Variants in LMO7 observed in about 807,000 individuals in gnomAD.
The protein encoded by LMO7 is LIM domain 7.
A neutral mutation model predicts 206.5 loss-of-function variants in LMO7; 120 were observed. That is an observed-to-expected ratio of 0.58 (90% CI 0.50 to 0.68). LMO7 has a LOEUF of 0.68. Among genes scored for constraint, LMO7 ranks in the 30% least tolerant of loss-of-function variants. The pLI, the probability that LMO7 is intolerant of heterozygous loss-of-function variation, is 0.00. For missense variants in LMO7, 1,959 were observed against 1,957.9 expected (o/e 1.00, Z -0.01); for synonymous variants, 706 against 681.5 (o/e 1.04, Z -0.56).
intron 3 of LMO7, among the ~76,000 whole-genome samples, chr13:75,727,705 A>G (rs1214613032): frequency 6.6e-6 from 1 of 151,880 alleles, no homozygotes; most frequent in Non-Finnish European, 1.5e-5. Context: ...TACATGTGCC[A>G]TGCTGGTGTG....
chr13:75,687,797 A>G (rs1027838398), intron 1 of LMO7, among the ~76,000 whole-genome samples: 2 of 152,314 alleles, frequency 1.3e-5, no homozygotes, highest in African/African-American at 4.8e-5. Context: ...TGATTAATCC[A>G]TTATGAACAG....
chr13:75,760,698 A>G (rs548307263), intron 3 of LMO7: 13 of 1,526,768 alleles, frequency 8.5e-6, no homozygotes, highest in Middle Eastern at 1.7e-4. Context: ...CAAAGATCAC[A>G]GAAACAGTGT....
chr13:75,734,748 GT>G (rs1359264467), intron 3 of LMO7, among the ~76,000 whole-genome samples: 1 of 152,140 alleles, frequency 6.6e-6, no homozygotes, highest in African/African-American at 2.4e-5. Context: ...TTCCTACCAA[GT>G]TGCCTCCATT....
chr13:75,680,189 G>A (rs146071932), intron 1 of LMO7, among the ~76,000 whole-genome samples: 1 of 152,132 alleles, frequency 6.6e-6, no homozygotes, highest in Non-Finnish European at 1.5e-5. Flanking sequence ...GAGGATAATG[G>A]CTTCCAGCTC....
intron 3 of LMO7, among the ~76,000 whole-genome samples, chr13:75,751,904 G>A (rs1476688695): frequency 2.6e-5 from 4 of 152,104 alleles, no homozygotes; most frequent in Non-Finnish European, 4.4e-5. Flanking sequence ...AGGTTGTCAT[G>A]CTTGAAATTT....
intron 4 of LMO7, among the ~76,000 whole-genome samples, chr13:75,777,242 T>A (rs2050631814): frequency 6.6e-6 from 1 of 152,262 alleles, no homozygotes; most frequent in African/African-American, 2.4e-5. Context: ...TACATTTTGC[T>A]TTATTATTAT....
At chr13:75,748,611 T>C (rs2047036925) in intron 3 of LMO7, among the ~76,000 whole-genome samples, 1 of 151,920 alleles carries the variant, frequency 6.6e-6, no homozygotes, top group Admixed American at 6.6e-5. Flanking sequence ...TGAGGGACAA[T>C]GGATGTTGAG....
chr13:75,681,718 G>GTATGTATATATATATATATATA (rs1555293391), intron 1 of LMO7, among the ~76,000 whole-genome samples: 4 of 104,558 alleles, frequency 3.8e-5, no homozygotes, highest in Non-Finnish European at 5.8e-5. Flanking sequence ...ATATATATAT[G>GTATGTATATATATATATATATA]TATATATATA....
At chr13:75,621,926 C>A in intron 1 of LMO7, 1 of 1,305,904 alleles carries the variant, frequency 7.7e-7, no homozygotes, top group Admixed American at 2.5e-5. Context: ...TAAGGCAGAG[C>A]ATCTCCATTT....
chr13:75,812,753 A>G (rs2056544767), intron 11 of LMO7, among the ~76,000 whole-genome samples: 1 of 152,232 alleles, frequency 6.6e-6, no homozygotes, highest in Non-Finnish European at 1.5e-5. Flanking sequence ...TTCAACAGAA[A>G]GGCAAGATGC....
chr13:75,651,213 T>TA (rs2037521415), intron 1 of LMO7, among the ~76,000 whole-genome samples: 1 of 152,232 alleles, frequency 6.6e-6, no homozygotes, highest in African/African-American at 2.4e-5. Context: ...GAAATTAATG[T>TA]ACTTGGCTTA....
chr13:75,856,749 C>A, intron 30 of LMO7, 141 bp downstream of exon 30: 1 of 619,896 alleles, frequency 1.6e-6, no homozygotes, highest in Non-Finnish European at 2.9e-6. Flanking sequence ...AGTGTGTTCC[C>A]TTCAAAGAGT....
Position 75,853,381 on chromosome 13 carries a change from C to T in LMO7, c.4654C>T (p.Arg1552Cys), listed in dbSNP as rs760809323. ...AGCTTCACAGTCAGGCTCTCAGCTGCGTAACAGGTGAGGCCCTTGCTGTTT... is the reference window on the plus strand; with the variant it reads ...AGCTTCACAGTCAGGCTCTCAGCTGTGTAACAGGTGAGGCCCTTGCTGTTT... ...PSASQSGSQL[R>C]NRSVSGKRIC... The change falls in exon 28 of 31, where the codon CGT (arginine) becomes TGT (cysteine). Residue 1552 changes from arginine to cysteine, a missense_variant. Transcript: ENST00000377534. 38 of 1,597,550 alleles carry T rather than the reference C, an allele frequency of 2.4e-5. No individual in the cohort carries two copies. The Admixed American group carries it at 3.3e-4, about 14-fold the overall frequency.
intron 3 of LMO7, among the ~76,000 whole-genome samples, chr13:75,743,835 C>T (rs1453417086): frequency 2.0e-5 from 3 of 151,874 alleles, no homozygotes; most frequent in African/African-American, 7.3e-5. Flanking sequence ...TGCATGTGCA[C>T]AGGTTAAAAA....
upstream of LMO7, among the ~76,000 whole-genome samples, chr13:75,634,537 G>A (rs776239965): frequency 2.1e-4 from 32 of 152,222 alleles, no homozygotes; most frequent in Admixed American, 4.6e-4. Flanking sequence ...TCAGGACATC[G>A]AGACCATCCT....
chr13:75,823,426 G>A (rs2057799154), intron 14 of LMO7, 139 bp from the exon 15 acceptor site: 3 of 682,954 alleles, frequency 4.4e-6, no homozygotes, highest in African/African-American at 1.8e-5. Context: ...AAAGAACTCA[G>A]CCCAAGCTTT....
intron 1 of LMO7, among the ~76,000 whole-genome samples, chr13:75,686,134 C>T (rs1003857522): frequency 3.3e-5 from 5 of 152,048 alleles, no homozygotes; most frequent in Admixed American, 6.5e-5. Context: ...CCACTTCAGC[C>T]TCCTAAAGTG....
chr13:75,655,936 A>C (rs1456526481), intron 1 of LMO7, among the ~76,000 whole-genome samples: 3 of 151,908 alleles, frequency 2.0e-5, no homozygotes, highest in African/African-American at 7.3e-5. Context: ...AGTGGTTTCT[A>C]TCCATGTGGC....
At chr13:75,783,745 C>G (rs1570556) in intron 4 of LMO7, among the ~76,000 whole-genome samples, 70,498 of 152,048 alleles carry the variant, frequency 0.46, 16,823 homozygotes, top group East Asian at 0.61. Context: ...CCTGCATTTA[C>G]TATATATGTT....
Sources: allele counts gnomAD v4.1 joint callset (sites outside exome capture counted in the v4.1 genomes callset), GRCh38; gene constraint gnomAD v4.1.1; transcripts MANE v1.5; gene names NCBI Gene and HGNC (gene_info 2026-07-23, HGNC 2026-07-21).